Variants in PHLPP1 observed in about 807,000 individuals in gnomAD.
The protein encoded by PHLPP1 is PH domain leucine-rich repeat-containing protein phosphatase 1.
PHLPP1 carries 42 observed loss-of-function variants against 117.2 expected under a neutral mutation model. The observed-to-expected ratio is 0.36, with a 90% confidence interval of 0.28 to 0.46. The LOEUF (loss-of-function observed/expected upper bound fraction) is 0.46, where lower values mean the gene tolerates loss of function less well. Ranked by LOEUF, PHLPP1 falls within the 20% of genes least tolerant of loss-of-function variation. The pLI is 1.00. For synonymous variants in PHLPP1, 1,042 were observed against 970.7 expected (o/e 1.07, Z -1.37); for missense variants, 2,084 against 2,241.9 (o/e 0.93, Z 1.42).
At chr18:62,948,060 C>T (rs1910350580) in intron 12 of PHLPP1, among the ~76,000 whole-genome samples, 1 of 151,608 alleles carries the variant, frequency 6.6e-6, no homozygotes, top group Admixed American at 6.6e-5. Context: ...AATAGAAATT[C>T]AGGCCAGGCA....
At chr18:62,887,335 C>T (rs184131138) in intron 4 of PHLPP1, among the ~76,000 whole-genome samples, 13 of 152,212 alleles carry the variant, frequency 8.5e-5, no homozygotes, top group Admixed American at 7.9e-4. Flanking sequence ...AAGTCCCCTT[C>T]TAGTCTCATT....
At chr18:62,971,441 GT>G (rs1352514275) in intron 14 of PHLPP1, among the ~76,000 whole-genome samples, 3 of 151,096 alleles carry the variant, frequency 2.0e-5, no homozygotes, top group Non-Finnish European at 4.4e-5. Context: ...CTTGGAAACA[GT>G]TTGATTCTTT....
At chr18:62,780,918 G>A (rs540646085) in intron 1 of PHLPP1, among the ~76,000 whole-genome samples, 1 of 152,310 alleles carries the variant, frequency 6.6e-6, no homozygotes, top group Admixed American at 6.5e-5. Flanking sequence ...ACATAACACA[G>A]TTTTCAATGC....
At chr18:62,734,078 C>T (rs1426632262) in intron 1 of PHLPP1, among the ~76,000 whole-genome samples, 1 of 152,116 alleles carries the variant, frequency 6.6e-6, no homozygotes, top group Non-Finnish European at 1.5e-5. Flanking sequence ...TGCACTAAAG[C>T]CTGACAGTAG....
At chr18:62,799,833 T>C (rs1036834622) in intron 1 of PHLPP1, among the ~76,000 whole-genome samples, 1 of 152,214 alleles carries the variant, frequency 6.6e-6, no homozygotes, top group Non-Finnish European at 1.5e-5. Context: ...TCTTAAATGT[T>C]CATTAAAACA....
intron 4 of PHLPP1, among the ~76,000 whole-genome samples, chr18:62,892,673 G>A (rs1255083922): frequency 1.3e-5 from 2 of 151,480 alleles, no homozygotes; most frequent in African/African-American, 2.4e-5. Flanking sequence ...CCAGGAGATC[G>A]AGACCATCCT....
chr18:62,775,256 C>T (rs1253444466), intron 1 of PHLPP1, among the ~76,000 whole-genome samples: 3 of 152,120 alleles, frequency 2.0e-5, no homozygotes, highest in Non-Finnish European at 4.4e-5. Context: ...TACCACCACG[C>T]CCGGCTAATT....
At chr18:62,775,271 G>A (rs1912914610) in intron 1 of PHLPP1, among the ~76,000 whole-genome samples, 2 of 152,074 alleles carry the variant, frequency 1.3e-5, no homozygotes, top group South Asian at 4.1e-4. Context: ...CTAATTTTTT[G>A]TATTTTTAGT....
intron 1 of PHLPP1, among the ~76,000 whole-genome samples, chr18:62,741,383 T>G (rs1911522924): frequency 6.6e-6 from 1 of 152,152 alleles, no homozygotes; most frequent in Admixed American, 6.5e-5. Flanking sequence ...TGAGTCTACT[T>G]AGTCAATTCA....
At chr18:62,822,460 A>G (rs908232232) in intron 1 of PHLPP1, among the ~76,000 whole-genome samples, 2 of 150,664 alleles carry the variant, frequency 1.3e-5, no homozygotes, top group African/African-American at 2.4e-5. Flanking sequence ...TTTTTTTTGT[A>G]GTTTTAGTAG....
chr18:62,963,094 A>T (rs1910812020), intron 13 of PHLPP1, among the ~76,000 whole-genome samples: 1 of 152,228 alleles, frequency 6.6e-6, no homozygotes, highest in Non-Finnish European at 1.5e-5. Flanking sequence ...AGGAGAGAGC[A>T]GTCATCTAAA....
chr18:62,901,201 T>C (rs1020059230), intron 6 of PHLPP1, among the ~76,000 whole-genome samples: 2 of 152,262 alleles, frequency 1.3e-5, no homozygotes, highest in Admixed American at 6.5e-5. Context: ...ATTATGAAGG[T>C]TATTTGAAGT....
At chr18:62,866,661 AGAAAAT>A (rs1297104370) in intron 4 of PHLPP1, among the ~76,000 whole-genome samples, 3 of 152,254 alleles carry the variant, frequency 2.0e-5, no homozygotes, top group Non-Finnish European at 4.4e-5. Flanking sequence ...CTAAATAAAA[AGAAAAT>A]TAAAATGCTC....
chr18:62,938,994 C>CTTTCTTTTTTTTTTTTTTTTTTTTTTTTT (rs368316862), intron 10 of PHLPP1, among the ~76,000 whole-genome samples: 1 of 128,680 alleles, frequency 7.8e-6, no homozygotes, highest in Non-Finnish European at 1.6e-5. Context: ...TTCTTTCTTT[C>CTTTCTTTTTTTTTTTTTTTTTTTTTTTTT]TTTTTTTTTT....
Position 62,940,825 on chromosome 18 carries a change from T to A in PHLPP1, c.2961-893T>A, listed in dbSNP as rs564935194. Reference sequence around the variant, plus strand: ...CTTCGTCTCAAAGTGAGCACACTTGTGTAACCAGCACCTGGACTAAGAAAC... The same window carrying A: ...CTTCGTCTCAAAGTGAGCACACTTGAGTAACCAGCACCTGGACTAAGAAAC... On this transcript the variant is annotated intron_variant, in intron 10 of 16. Transcript: ENST00000262719. Among the ~76,000 whole-genome samples the A allele has an allele frequency of 2.6e-5, 4 of 152,336 alleles. No homozygotes were observed. The East Asian group carries it at 7.7e-4, about 29-fold the overall frequency.
At chr18:62,853,421 G>T (rs1915411329) in intron 3 of PHLPP1, among the ~76,000 whole-genome samples, 1 of 151,368 alleles carries the variant, frequency 6.6e-6, no homozygotes, top group South Asian at 2.1e-4. Flanking sequence ...CCAGGCTGGA[G>T]TGCAGTGGCG....
intron 3 of PHLPP1, chr18:62,839,113 C>A: frequency 1.9e-6 from 1 of 529,552 alleles, no homozygotes; most frequent in Non-Finnish European, 3.3e-6. Flanking sequence ...TTTACTTGCC[C>A]AGTTTATACT....
intron 12 of PHLPP1, among the ~76,000 whole-genome samples, chr18:62,951,812 ATT>A (rs34516044): frequency 0.018 from 1,824 of 101,412 alleles, 24 homozygotes; most frequent in African/African-American, 0.064. Flanking sequence ...CACATAATTA[ATT>A]TTTTTTTTTT....
At chr18:62,867,715 G>A (rs539336143) in intron 4 of PHLPP1, among the ~76,000 whole-genome samples, 1 of 152,162 alleles carries the variant, frequency 6.6e-6, no homozygotes, top group Non-Finnish European at 1.5e-5. Context: ...GGGGGTGTCA[G>A]TTTACTAGAG....
Sources: gnomAD v4.1 joint callset for allele counts (sites outside exome capture counted in the v4.1 genomes callset) on GRCh38, gnomAD v4.1.1 for gene constraint, MANE v1.5 for transcripts, NCBI Gene and HGNC (gene_info 2026-07-23, HGNC 2026-07-21) for gene names.